The following BEND4 variants were observed in gnomAD, a reference collection of about 807,000 sequenced individuals.
BEND4 encodes the protein BEN domain containing 4.
In BEND4, 27 loss-of-function variants were observed where a neutral mutation model predicts 54.7. That is an observed-to-expected ratio of 0.49 (90% CI 0.36 to 0.68). The LOEUF (loss-of-function observed/expected upper bound fraction) is 0.68, where lower values mean the gene tolerates loss of function less well. BEND4 is among the 30% of genes least tolerant of loss of function. The pLI, the probability that BEND4 is intolerant of heterozygous loss-of-function variation, is 0.00. For missense variants in BEND4, 702 were observed against 697.2 expected (o/e 1.01, Z -0.08); for synonymous variants, 327 against 299.5 (o/e 1.09, Z -0.95).
At chr4:42,130,163 T>C (rs1720452969) in intron 3 of BEND4, among the ~76,000 whole-genome samples, 2 of 152,142 alleles carry the variant, frequency 1.3e-5, no homozygotes, top group African/African-American at 2.4e-5. Flanking sequence ...TCAACAACAC[T>C]GATCATTAGA....
At chr4:42,142,457 T>TA (rs199780215) in intron 3 of BEND4, among the ~76,000 whole-genome samples, 4,697 of 119,288 alleles carry the variant, frequency 0.039, 220 homozygotes, top group African/African-American at 0.16. Context: ...CTATCTCTAC[T>TA]AAAAAAAATA....
chr4:42,123,943 A>G (rs1296331495), intron 4 of BEND4, among the ~76,000 whole-genome samples: 4 of 152,202 alleles, frequency 2.6e-5, no homozygotes, highest in African/African-American at 9.6e-5. Flanking sequence ...GGTGAGATCA[A>G]GCGATGTATG....
chr4:42,135,292 A>G (rs1473817198), intron 3 of BEND4, among the ~76,000 whole-genome samples: 4 of 152,170 alleles, frequency 2.6e-5, no homozygotes, highest in African/African-American at 9.7e-5. Context: ...CTGGCCAACT[A>G]ATTGAATGGT....
intron 3 of BEND4, among the ~76,000 whole-genome samples, chr4:42,141,188 T>C (rs908575006): frequency 2.0e-5 from 3 of 152,158 alleles, no homozygotes; most frequent in African/African-American, 7.2e-5. Flanking sequence ...AGGGCTCCAA[T>C]GTAAAAGGAG....
At position 42,143,657 on chromosome 4, in the gene BEND4, A is replaced by G. The variant is rs1720970027; in HGVS notation, c.825T>C (p.His275=). 6.2e-7 allele frequency: 1 copy of G among 1,613,870 alleles called. No homozygotes were observed. Among genetic ancestry groups the G allele is most frequent in the Non-Finnish European group, 8.5e-7 (1 of 1,179,878 alleles). Reference sequence around the variant, plus strand: ...TTGACAGAGGATCCACGTCGGCCAGATGGCCATATTCACTGGCTGACGAGG... The same window carrying G: ...TTGACAGAGGATCCACGTCGGCCAGGTGGCCATATTCACTGGCTGACGAGG... ...PNPSSASEYG[H]LADVDPLSTS... Residue 275 remains histidine, a synonymous_variant, in exon 3 of 6, where the codon CAT becomes CAC. Coordinates refer to ENST00000502486, the MANE Select transcript of BEND4 (RefSeq NM_207406.4).
rs773299657 is a variant in BEND4, at chr4:42,151,730, A to G, written c.414T>C (p.Tyr138=). The G allele has an allele frequency of 4.7e-6, 7 of 1,504,140 alleles. No homozygotes were observed. The highest frequency in any genetic ancestry group is 6.2e-6 in the Non-Finnish European group (7 of 1,131,834). The allele number at this position is 1,504,140 out of a possible 1,614,324, so 93.2% of individuals were successfully genotyped here. A position where few individuals can be genotyped will look rare whatever the true frequency, so the allele number is the denominator to read the frequency against. ...CGGCGGCCGCCGCCGCGCCTGGGCC[A>G]TACCTGACGACAGCGGCGAACGAAG... The part of the protein sequence containing the change: ...SSSSFAAVVR[Y]GPGAAAAAGT... The change falls in exon 2 of 6, where the codon TAT becomes TAC. Residue 138 remains tyrosine (Y), a synonymous_variant. Coordinates refer to ENST00000502486, the MANE Select transcript of BEND4 (RefSeq NM_207406.4).
In BEND4 at chr4:42,121,475, T is replaced by C. The variant is rs1720057499; in HGVS notation, c.1147-1181A>G. On this transcript the variant is annotated intron_variant, in intron 4 of 5. Transcript: ENST00000502486. Reference sequence around the variant, plus strand: ...TGAATTTAGTCAGGCTGGGTTTTAATTGAATCTTGGTTCTGTGTCTTATTA... The same window carrying C: ...TGAATTTAGTCAGGCTGGGTTTTAACTGAATCTTGGTTCTGTGTCTTATTA... Among the ~76,000 whole-genome samples the C allele has an allele frequency of 1.3e-5, 2 of 152,254 alleles. 1 individual carries two copies. Among genetic ancestry groups the C allele is most frequent in the South Asian group, 4.1e-4 (2 of 4,834 alleles).
intron 2 of BEND4, among the ~76,000 whole-genome samples, chr4:42,150,355 GCAAT>G (rs1430784403): frequency 8.0e-6 from 1 of 125,228 alleles, no homozygotes; most frequent in Non-Finnish European, 1.6e-5. Flanking sequence ...CCCACTGAAA[GCAAT>G]CAAACATCTT....
At chr4:42,138,495 A>G (rs1488470793) in intron 3 of BEND4, among the ~76,000 whole-genome samples, 1 of 152,200 alleles carries the variant, frequency 6.6e-6, no homozygotes, top group East Asian at 1.9e-4. Flanking sequence ...GAATAGGTCT[A>G]GAGATTCAAC....
chr4:42,146,502 C>A (rs763029014), intron 2 of BEND4, among the ~76,000 whole-genome samples: 18 of 152,122 alleles, frequency 1.2e-4, no homozygotes, highest in Non-Finnish European at 2.1e-4. Context: ...TATTTGGGTG[C>A]CATTTATTTA....
chr4:42,152,191 G>A lies in BEND4; in HGVS notation c.-48C>T, dbSNP rs1721328190. ...TCGGAGCACGTCCCCTCCCCGCCGG[G>A]CGCCGGGCTCCGAGGGTGCCTCCGC... is the stretch of plus-strand genomic sequence containing the variant. On this transcript the variant is annotated 5_prime_UTR_variant, in exon 2 of 6. Transcript: ENST00000502486. 2 of 1,235,468 alleles carry A rather than the reference G, an allele frequency of 1.6e-6. No individual in the cohort carries two copies. 76.5% of individuals were successfully genotyped at this position (1,235,468 alleles called of 1,614,324 possible).
intron 4 of BEND4, among the ~76,000 whole-genome samples, chr4:42,125,185 T>A (rs10222766): frequency 0.047 from 7,218 of 152,252 alleles, 242 homozygotes; most frequent in African/African-American, 0.084. Flanking sequence ...GGGCCCTGAC[T>A]TCTGGAAAAT....
At chr4:42,142,909 T>C (rs889211466) in intron 3 of BEND4, among the ~76,000 whole-genome samples, 1 of 152,216 alleles carries the variant, frequency 6.6e-6, no homozygotes, top group Non-Finnish European at 1.5e-5. Context: ...GGAAAATTAA[T>C]GAAATAGAAG....
intron 2 of BEND4, chr4:42,151,017 G>A (rs564469467): frequency 2.6e-5 from 4 of 152,328 alleles, no homozygotes; most frequent in East Asian, 3.9e-4. Flanking sequence ...GGACGCGGAG[G>A]AGCCCCGAGT....
chr4:42,127,017 C>T (rs985677426), intron 3 of BEND4, among the ~76,000 whole-genome samples: 2 of 152,042 alleles, frequency 1.3e-5, no homozygotes, highest in Admixed American at 6.5e-5. Context: ...AATATTTAAC[C>T]TAAGCCCTAA....
chr4:42,144,083 T>C (rs975667421), intron 2 of BEND4, 89 bp from the exon 3 acceptor site: 8 of 917,434 alleles, frequency 8.7e-6, no homozygotes, highest in Non-Finnish European at 1.4e-5. Context: ...CATTCAAACA[T>C]GTTAAAAATA....
In BEND4 at chr4:42,143,543, C is replaced by T; in HGVS notation, c.939G>A (p.Glu313=). The T allele has an allele frequency of 6.4e-7, 1 of 1,557,254 alleles. No individual in the cohort carries two copies. The highest frequency in any genetic ancestry group is 1.2e-5 in the South Asian group (1 of 84,422). Residue 313 remains glutamate (E), a synonymous_variant, in exon 3 of 6, where the codon GAG becomes GAA. Coordinates refer to ENST00000502486, the MANE Select transcript of BEND4 (RefSeq NM_207406.4). ...AGCCTTCCTCGTCCTCCTCCTCCTC[C>T]TCTTCTGGCAGTGTAGATGAAGATG... ...GHPSSSTLPE[E]EEEEDEEGYC...
At chr4:42,144,037 G>A (rs750514590) in intron 2 of BEND4, 43 bp from the exon 3 acceptor site, 4 of 1,417,490 alleles carry the variant, frequency 2.8e-6, no homozygotes, top group South Asian at 1.2e-5. Context: ...ACAGCCAACG[G>A]CAAAAGATAA....
intron 2 of BEND4, among the ~76,000 whole-genome samples, chr4:42,150,840 C>G (rs1721242894): frequency 6.6e-6 from 1 of 152,168 alleles, no homozygotes; most frequent in Non-Finnish European, 1.5e-5. Context: ...AGGCTCGGGC[C>G]GAGATGCTCG....
Sources: allele counts gnomAD v4.1 joint callset (sites outside exome capture counted in the v4.1 genomes callset), GRCh38; gene constraint gnomAD v4.1.1; transcripts MANE v1.5; gene names NCBI Gene and HGNC (gene_info 2026-07-23, HGNC 2026-07-21).